Variants in UIMC1 observed in about 807,000 individuals in gnomAD.
UIMC1 encodes the protein ubiquitin interaction motif containing 1, also known as BRCA1-A complex subunit RAP80.
Under a neutral mutation model 84.9 loss-of-function variants are expected in UIMC1, and 42 were observed. The observed-to-expected ratio is 0.49, with a 90% CI of 0.39 to 0.64. The LOEUF (loss-of-function observed/expected upper bound fraction) is 0.64. UIMC1 is among the 30% of genes least tolerant of loss of function. The pLI, the probability that UIMC1 is intolerant of heterozygous loss-of-function variation, is 0.00. For missense variants in UIMC1, 825 were observed against 847.6 expected, an observed-to-expected ratio of 0.97 and a Z score of 0.33; for synonymous variants, 281 against 293.0, an observed-to-expected ratio of 0.96 and a Z score of 0.42.
rs149991325 is a variant in UIMC1, at chr5:176,968,771, A to C, written c.984T>G (p.Pro328=). Residue 328 remains proline (P), a synonymous_variant, in exon 6 of 15, where the codon CCT becomes CCG. Coordinates refer to ENST00000511320, the MANE Select transcript of UIMC1 (RefSeq NM_001199298.2). ...KGFGEPVLPR[P]PSLIQNECGQ... ...CACATTCATTCTGGATCAGAGAAGGAGGTCTAGGTAACACTGGTTCCCCAA... is the reference window on the plus strand; with the variant it reads ...CACATTCATTCTGGATCAGAGAAGGCGGTCTAGGTAACACTGGTTCCCCAA... The C allele has an allele frequency of 1.0e-4, 165 of 1,614,138 alleles. 1 individual carries two copies. The African/African-American group carries it at 1.7e-3, about 17-fold the overall frequency.
At chr5:176,999,163 C>G (rs1411761308) in intron 1 of UIMC1, among the ~76,000 whole-genome samples, 1 of 152,100 alleles carries the variant, frequency 6.6e-6, no homozygotes, top group African/African-American at 2.4e-5. Context: ...AGAGCAAGAT[C>G]CTGTCTCAGA....
At chr5:176,999,712 G>A (rs1774169293) in intron 1 of UIMC1, among the ~76,000 whole-genome samples, 1 of 152,100 alleles carries the variant, frequency 6.6e-6, no homozygotes, top group South Asian at 2.1e-4. Context: ...TTTCACCCAT[G>A]TTGTTACAAA....
chr5:176,975,350 T>C (rs1047736877), intron 3 of UIMC1, 46 bp downstream of exon 3: 18 of 1,569,876 alleles, frequency 1.1e-5, no homozygotes, highest in Non-Finnish European at 1.6e-5. Flanking sequence ...ATCAGTTCTA[T>C]GACTATTACA....
chr5:176,983,482 G>A (rs374938097), intron 1 of UIMC1, among the ~76,000 whole-genome samples: 6 of 152,286 alleles, frequency 3.9e-5, no homozygotes, highest in African/African-American at 7.2e-5. Flanking sequence ...TGATCTGCCC[G>A]CCTCGGCCTC....
intron 10 of UIMC1, among the ~76,000 whole-genome samples, chr5:176,929,976 T>C (rs1026354362): frequency 6.6e-5 from 10 of 152,236 alleles, no homozygotes; most frequent in African/African-American, 2.4e-4. Context: ...ACTGAATTTG[T>C]CTGAACTTCA....
chr5:177,020,467 G>A (rs1228064869), intron 1 of UIMC1, among the ~76,000 whole-genome samples: 1 of 152,170 alleles, frequency 6.6e-6, no homozygotes, highest in East Asian at 1.9e-4. Flanking sequence ...GTCTCGCTCT[G>A]TTGCCCAGGA....
At chr5:176,972,299 G>A (rs189772231) in intron 3 of UIMC1, among the ~76,000 whole-genome samples, 2 of 152,186 alleles carry the variant, frequency 1.3e-5, no homozygotes, top group Admixed American at 1.3e-4. Flanking sequence ...CTACTCACGA[G>A]GCTGAGGCAG....
In UIMC1 at chr5:176,953,592, T is replaced by C. The variant is rs189764253; in HGVS notation, c.1340-2015A>G. 2.3e-3 allele frequency among the ~76,000 whole-genome samples: 343 copies of C among 151,690 alleles called. 2 individuals carry two copies. In the Middle Eastern group the frequency reaches 0.027, roughly 12 times the overall value. ...AAATCCTGTCAACTTTCCCTAAAGGTATTTTCAAAAAGATATTCAGCATAT... is the reference window on the plus strand; with the variant it reads ...AAATCCTGTCAACTTTCCCTAAAGGCATTTTCAAAAAGATATTCAGCATAT... On this transcript the variant is annotated intron_variant, in intron 8 of 14. Coordinates refer to ENST00000511320, the MANE Select transcript of UIMC1 (RefSeq NM_001199298.2).
intron 2 of UIMC1, among the ~76,000 whole-genome samples, chr5:176,977,084 G>A (rs549870211): frequency 9.9e-5 from 15 of 152,092 alleles, no homozygotes; most frequent in Admixed American, 3.9e-4. Context: ...TTTGCCAGGC[G>A]TGGTGGCATA....
intron 1 of UIMC1, among the ~76,000 whole-genome samples, chr5:176,994,513 A>T (rs1773310425): frequency 3.2e-5 from 1 of 31,736 alleles, no homozygotes. Flanking sequence ...GTTTCTTTAA[A>T]AAAAAAAAAA....
intron 8 of UIMC1, among the ~76,000 whole-genome samples, chr5:176,952,586 A>T (rs1766021295): frequency 6.6e-6 from 1 of 152,246 alleles, no homozygotes; most frequent in Non-Finnish European, 1.5e-5. Flanking sequence ...AATAGTCTCA[A>T]CAGACTATAC....
At chr5:176,932,699 A>G (rs1005831767) in intron 10 of UIMC1, among the ~76,000 whole-genome samples, 1 of 152,162 alleles carries the variant, frequency 6.6e-6, no homozygotes, top group Non-Finnish European at 1.5e-5. Flanking sequence ...ATTCAGTGGA[A>G]GAAGGTACCT....
chr5:176,997,204 CCT>C (rs1040448974), intron 1 of UIMC1, among the ~76,000 whole-genome samples: 6 of 152,002 alleles, frequency 3.9e-5, no homozygotes, highest in African/African-American at 1.5e-4. Flanking sequence ...ACCTCCTATA[CCT>C]CTCTTTAAGC....
rs527722873 is a variant in UIMC1, at chr5:176,932,639, T to A, written c.1597+10696A>T. ...TGCAACCTACCAGAAAGAATAAATA[T>A]AGCAAAATACATGTATTTCACTCGT... On this transcript the variant is annotated intron_variant, in intron 10 of 14. Transcript: ENST00000511320. Among the ~76,000 whole-genome samples, 35 of 152,304 alleles carry A rather than the reference T, an allele frequency of 2.3e-4. 1 individual carries two copies. In the Middle Eastern group the frequency reaches 0.01, roughly 44 times the overall value.
Position 176,905,430 on chromosome 5 carries a change from C to T in UIMC1, c.2012G>A (p.Arg671His), listed in dbSNP as rs140185789. ...CSREMQSSFTRRDLNESPVKS... is the reference protein window; with the variant it reads ...CSREMQSSFTHRDLNESPVKS... The stretch of plus-strand genomic sequence containing the variant: ...GACGGGAGATTCATTTAAGTCACGA[C>T]GTGTGAAAGAACTCTGCATCTCTCT... The change falls in exon 15 of 15, where the codon CGT (arginine) becomes CAT (histidine). Residue 671 changes from arginine to histidine, a missense_variant. Arg to His is a conservative substitution (Grantham distance 29). Coordinates refer to ENST00000511320, the MANE Select transcript of UIMC1 (RefSeq NM_001199298.2). 4.4e-4 allele frequency: 707 copies of T among 1,614,112 alleles called. No homozygotes were observed. Among genetic ancestry groups the T allele is most frequent in the Non-Finnish European group, 5.6e-4 (657 of 1,179,994 alleles).
chr5:176,987,247 A>G (rs1772162886), intron 1 of UIMC1, among the ~76,000 whole-genome samples: 2 of 152,148 alleles, frequency 1.3e-5, no homozygotes, highest in Admixed American at 1.3e-4. Context: ...TCAACAGTTC[A>G]TCAAGGTTAT....
intron 6 of UIMC1, among the ~76,000 whole-genome samples, chr5:176,961,683 T>G (rs1406028780): frequency 2.2e-4 from 1 of 4,610 alleles, no homozygotes; most frequent in Non-Finnish European, 4.0e-4. Flanking sequence ...GTCCGGGAGG[T>G]GAGGGGCGCC....
At chr5:176,959,861 G>A (rs996187687) in intron 6 of UIMC1, among the ~76,000 whole-genome samples, 7 of 151,548 alleles carry the variant, frequency 4.6e-5, no homozygotes, top group Admixed American at 1.3e-4. Flanking sequence ...GAGAAATCCC[G>A]TCTCTACTAA....
At chr5:177,003,596 T>A (rs1774846248) in intron 1 of UIMC1, among the ~76,000 whole-genome samples, 1 of 152,116 alleles carries the variant, frequency 6.6e-6, no homozygotes, top group African/African-American at 2.4e-5. Flanking sequence ...GAGATTGCAG[T>A]GAGCCAAGAC....
Sources: allele counts gnomAD v4.1 joint callset (sites outside exome capture counted in the v4.1 genomes callset), GRCh38; gene constraint gnomAD v4.1.1; transcripts MANE v1.5; gene names NCBI Gene and HGNC (gene_info 2026-07-23, HGNC 2026-07-21).